RNF5: variants seen among roughly 807,000 people sequenced by gnomAD.
The protein encoded by RNF5 is E3 ubiquitin-protein ligase RNF5.
In RNF5, 16 loss-of-function variants were observed where a neutral mutation model predicts 24.4. The observed-to-expected ratio is 0.66, with a 90% CI of 0.44 to 1.00. The LOEUF is 1.00. Ranked by LOEUF, RNF5 falls within the 50% of genes least tolerant of loss-of-function variation. RNF5 has a pLI of 0.00. For synonymous variants in RNF5, 64 were observed against 88.5 expected (o/e 0.72, Z 1.55); for missense variants, 185 against 236.7 (o/e 0.78, Z 1.43).
In RNF5 at chr6:32,180,294, ATCT is replaced by A. The variant is rs752683365; in HGVS notation, c.519_521del (p.Phe175del). The A allele has an allele frequency of 2.4e-5, 39 of 1,610,798 alleles. 1 individual carries two copies. The highest frequency in any genetic ancestry group is 1.8e-4 in the East Asian group (8 of 44,904). ...GGATTCCCTCTTCCTGTTTCTCGCC[ATCT>A]TCTTCTTTTTTTGGCTGCTCAGTAT... On this transcript the variant is annotated inframe_deletion, in exon 6 of 6. Coordinates refer to ENST00000375094, the MANE Select transcript of RNF5 (RefSeq NM_006913.4).
In RNF5 at chr6:32,180,316, T is replaced by G; in HGVS notation, c.533T>G (p.Leu178Arg). The G allele has an allele frequency of 6.2e-7, 1 of 1,606,630 alleles. No homozygotes were observed. The highest frequency in any genetic ancestry group is 2.2e-5 in the East Asian group (1 of 44,892). Reference sequence around the variant, plus strand: ...GCCATCTTCTTCTTTTTTTGGCTGCTCAGTATTTGAGCTATGTCTGCTTCC... The same window carrying G: ...GCCATCTTCTTCTTTTTTTGGCTGCGCAGTATTTGAGCTATGTCTGCTTCC... The part of the protein sequence containing the change: ...FLAIFFFFWL[L>R]SI The change falls in exon 6 of 6, where the codon CTC becomes CGC. Residue 178 changes from leucine (L) to arginine (R), a missense_variant. Coordinates refer to ENST00000375094, the MANE Select transcript of RNF5 (RefSeq NM_006913.4).
Position 32,180,572 on chromosome 6 carries a change from G to T in RNF5, c.*246G>T. The T allele has an allele frequency of 1.9e-6, 1 of 539,380 alleles. No homozygotes were observed. The highest frequency in any genetic ancestry group is 3.0e-5 in the East Asian group (1 of 33,354). The allele number at this position is 539,380 out of a possible 1,614,324, so 33.4% of individuals were successfully genotyped here. ...CTGCCCTGGGGAAGGAGGATGGATT[G>T]AGAGAATGTCTTTCTCCTCTCCTAA... On this transcript the variant is annotated 3_prime_UTR_variant, in exon 6 of 6. Transcript: ENST00000375094.
At position 32,178,655 on chromosome 6, in the gene RNF5, A is replaced by G. The variant is rs1785808693; in HGVS notation, c.140+4A>G. ...GTGTGTGTGGCCACCTGTACTGGTG[A>G]GAATCGAGGAGGGGGGCGGGAGGTG... On this transcript the variant is annotated splice_donor_region_variant and intron_variant, in intron 1 of 5. Transcript: ENST00000375094. The G allele has an allele frequency of 6.2e-7, 1 of 1,608,202 alleles. No individual in the cohort carries two copies. Among genetic ancestry groups the G allele is most frequent in the Non-Finnish European group, 8.5e-7 (1 of 1,178,826 alleles).
chr6:32,178,687 C>T, intron 1 of RNF5, 36 bp downstream of exon 1: 3 of 1,600,496 alleles, frequency 1.9e-6, no homozygotes, highest in Non-Finnish European at 1.7e-6. Context: ...GGTGGTGGGT[C>T]TCGCTTATAT....
Position 32,179,809 on chromosome 6 carries a change from C to T in RNF5, c.272+46C>T. 6.2e-7 allele frequency: 1 copy of T among 1,613,126 alleles called. No individual in the cohort carries two copies. The highest frequency in any genetic ancestry group is 8.5e-7 in the Non-Finnish European group (1 of 1,179,176). On this transcript the variant is annotated intron_variant, in intron 3 of 5. Transcript: ENST00000375094. The surrounding 1 kb of genome is among the most constrained non-coding windows in gnomAD (Gnocchi z 5.4). ...CTTAGGGAAGATTGAAGGCTTCTGC[C>T]CTTGGAAAACGGTGTGGAAGATGGG...
In RNF5 at chr6:32,179,756, G is replaced by T; in HGVS notation, c.265G>T (p.Asp89Tyr). The T allele has an allele frequency of 6.2e-7, 1 of 1,614,036 alleles. No homozygotes were observed. Among genetic ancestry groups the T allele is most frequent in the Non-Finnish European group, 8.5e-7 (1 of 1,179,882 alleles). The change falls in exon 3 of 6, where the codon GAT becomes TAT. Residue 89 changes from aspartate to tyrosine, a missense_variant. Transcript: ENST00000375094. This position sits in a 1 kb window ranked among gnomAD's most constrained non-coding sequence, Gnocchi z 5.4. The stretch of plus-strand genomic sequence containing the variant: ...TGGGCGAGGGAGCCAGAAGCCCCAG[G>T]ATCCCAGGTGAGAGACTGGAGGTGT... ...LYGRGSQKPQ[D>Y]PRLKTPPRPQ...
In RNF5 at chr6:32,180,358, G is replaced by A. The variant is rs1785994759; in HGVS notation, c.*32G>A. ...TCTGCTTCCTGCCCACCTCCAGCCA[G>A]AGAAGAATCAGTATTGAGGGTCCCT... On this transcript the variant is annotated 3_prime_UTR_variant, in exon 6 of 6. Transcript: ENST00000375094. 1.3e-6 allele frequency: 2 copies of A among 1,582,392 alleles called. No individual in the cohort carries two copies. Among genetic ancestry groups the A allele is most frequent in the Non-Finnish European group, 1.7e-6 (2 of 1,164,788 alleles).
At position 32,178,587 on chromosome 6, in the gene RNF5, G is replaced by T. The variant is rs1336062216; in HGVS notation, c.76G>T (p.Glu26Ter). 13 of 1,611,216 alleles carry T rather than the reference G, an allele frequency of 8.1e-6. No individual in the cohort carries two copies. Among genetic ancestry groups the T allele is most frequent in the Non-Finnish European group, 1.1e-5 (13 of 1,179,638 alleles). The change falls in exon 1 of 6, where the codon GAA becomes TAA. Residue 26 changes from glutamate (E) to a stop codon, truncating the protein, a stop_gained. Transcript: ENST00000375094. LOFTEE classifies it high-confidence loss of function. ...GCGGGGCGGGGCGGGCGCGACCTTC[G>T]AATGTAATATATGTTTGGAGACTGC... ...RERGGAGATFECNICLETARE... is the reference protein window; with the variant it reads ...RERGGAGATF
rs41268928 is a variant in RNF5 at position 32,179,380 on chromosome 6, G to C, written c.141-161G>C. Among the ~76,000 whole-genome samples the C allele has an allele frequency of 0.036, 5,503 of 152,196 alleles. 207 individuals carry two copies. The highest frequency in any genetic ancestry group is 0.21 in the East Asian group (1,063 of 5,168). On this transcript the variant is annotated intron_variant, in intron 1 of 5. Transcript: ENST00000375094. The surrounding 1 kb of genome is among the most constrained non-coding windows in gnomAD (Gnocchi z 5.4). The stretch of plus-strand genomic sequence containing the variant: ...GTTGGAAGATCAGACAAGCAGGAAG[G>C]CTAACTAAGTTGGCTGGCATGGTAG...
rs1785901123 is a variant in RNF5, at chr6:32,179,567, C to T, written c.159+8C>T. 2 of 1,613,006 alleles carry T rather than the reference C, an allele frequency of 1.2e-6. No individual in the cohort carries two copies. Among genetic ancestry groups the T allele is most frequent in the East Asian group, 2.2e-5 (1 of 44,870 alleles). ...TGGCCATGTCTTCATCAGGTGCGTA[C>T]TCAGGAGATGAAGAGGGAAATGGGG... is the stretch of plus-strand genomic sequence containing the variant. On this transcript the variant is annotated splice_region_variant and intron_variant, in intron 2 of 5. Coordinates refer to ENST00000375094, the MANE Select transcript of RNF5 (RefSeq NM_006913.4). This position sits in a 1 kb window ranked among gnomAD's most constrained non-coding sequence, Gnocchi z 5.4.
In RNF5 at chr6:32,179,835, A is replaced by T; in HGVS notation, c.273-42A>T. The T allele has an allele frequency of 6.2e-7, 1 of 1,613,750 alleles. No individual in the cohort carries two copies. Among genetic ancestry groups the T allele is most frequent in the Middle Eastern group, 1.7e-4 (1 of 6,058 alleles). On this transcript the variant is annotated intron_variant, in intron 3 of 5. Transcript: ENST00000375094. The surrounding 1 kb of genome is among the most constrained non-coding windows in gnomAD (Gnocchi z 5.4). ...CTTGGAAAACGGTGTGGAAGATGGG[A>T]GGAGAAAAATCCCTGTTAACTTTCT...
Position 32,180,499 on chromosome 6 carries a change from G to C in RNF5, c.*173G>C, listed in dbSNP as rs1786006202. 1.6e-6 allele frequency: 1 copy of C among 615,410 alleles called. No individual in the cohort carries two copies. Among genetic ancestry groups the C allele is most frequent in the Non-Finnish European group, 2.9e-6 (1 of 346,208 alleles). 38.1% of individuals were successfully genotyped at this position (615,410 alleles called of 1,614,324 possible). ...GGAGGAGTGAAGTCTGTGCATAGAT[G>C]GGAGAGCCTTCTGCTCAGAGGCTCA... On this transcript the variant is annotated 3_prime_UTR_variant, in exon 6 of 6. Transcript: ENST00000375094.
rs1015402089 is a variant in RNF5, at chr6:32,179,287, G to A, written c.141-254G>A. On this transcript the variant is annotated intron_variant, in intron 1 of 5. Coordinates refer to ENST00000375094, the MANE Select transcript of RNF5 (RefSeq NM_006913.4). This position sits in a 1 kb window ranked among gnomAD's most constrained non-coding sequence, Gnocchi z 5.4. ...CAGAAAAGAGAGGGCACGAAAATTTGTATGTGTTTGTTGGGGAGAGGAGAA... is the reference window on the plus strand; with the variant it reads ...CAGAAAAGAGAGGGCACGAAAATTTATATGTGTTTGTTGGGGAGAGGAGAA... Among the ~76,000 whole-genome samples, 1 of 152,120 alleles carries A rather than the reference G, an allele frequency of 6.6e-6. No homozygotes were observed. Among genetic ancestry groups the A allele is most frequent in the Non-Finnish European group, 1.5e-5 (1 of 68,024 alleles).
chr6:32,178,491 T>G lies in RNF5; in HGVS notation c.-21T>G, dbSNP rs1157786922. ...GTATTTGGGGGGACTGAAGGGTACG[T>G]GGGGCGAAACAAAACCGGCCATGGC... On this transcript the variant is annotated 5_prime_UTR_variant, in exon 1 of 6. Coordinates refer to ENST00000375094, the MANE Select transcript of RNF5 (RefSeq NM_006913.4). The G allele has an allele frequency of 6.3e-7, 1 of 1,576,612 alleles. No individual in the cohort carries two copies. The highest frequency in any genetic ancestry group is 8.6e-7 in the Non-Finnish European group (1 of 1,161,994).
In RNF5 at chr6:32,180,305, T is replaced by C. The variant is rs1344009229; in HGVS notation, c.522T>C (p.Phe174=). Residue 174 remains phenylalanine (F), a synonymous_variant, in exon 6 of 6, where the codon TTT becomes TTC. Coordinates refer to ENST00000375094, the MANE Select transcript of RNF5 (RefSeq NM_006913.4). ...SLFLFLAIFF[F]FWLLSI ...TCCTGTTTCTCGCCATCTTCTTCTT[T>C]TTTTGGCTGCTCAGTATTTGAGCTA... 1 of 1,609,124 alleles carries C rather than the reference T, an allele frequency of 6.2e-7. No homozygotes were observed. The highest frequency in any genetic ancestry group is 1.1e-5 in the South Asian group (1 of 91,074).
In RNF5 at chr6:32,179,945, T is replaced by G. The variant is rs1785948216; in HGVS notation, c.327+14T>G. The G allele has an allele frequency of 6.2e-7, 1 of 1,614,084 alleles. No homozygotes were observed. The highest frequency in any genetic ancestry group is 8.5e-7 in the Non-Finnish European group (1 of 1,180,036). On this transcript the variant is annotated intron_variant, in intron 4 of 5. Transcript: ENST00000375094. This position sits in a 1 kb window ranked among gnomAD's most constrained non-coding sequence, Gnocchi z 5.4. ...GAGAGCAGAGGGGTGAGTCTTCTTG[T>G]CCAGTTGTGTCCCTTCCTTGACAGA...
Position 32,180,054 on chromosome 6 carries a change from G to A in RNF5, c.373G>A (p.Gly125Ser). 6.2e-7 allele frequency: 1 copy of A among 1,614,174 alleles called. No individual in the cohort carries two copies. Among genetic ancestry groups the A allele is most frequent in the Non-Finnish European group, 8.5e-7 (1 of 1,180,032 alleles). Residue 125 changes from glycine to serine, a missense_variant, in exon 5 of 6, where the codon GGT (glycine) becomes AGT (serine). Gly to Ser is a moderately conservative substitution (Grantham distance 56). Transcript: ENST00000375094. ...TACCGGGGGCTTCCACTTCTCATTT[G>A]GTGTTGGTGCTTTTCCCTTTGGCTT... ...GDTGGFHFSF[G>S]VGAFPFGFFT...
rs755588650 is a variant in RNF5 at position 32,179,493 on chromosome 6, C to T, written c.141-48C>T. 1.9e-6 allele frequency: 3 copies of T among 1,611,046 alleles called. No homozygotes were observed. On this transcript the variant is annotated intron_variant, in intron 1 of 5. Transcript: ENST00000375094. This position sits in a 1 kb window ranked among gnomAD's most constrained non-coding sequence, Gnocchi z 5.4. ...TGCGAAGTCTAGGGTCTGTGTCTCTCTTTTCTGTAGCTAGTTTGACCTTTT... is the reference window on the plus strand; with the variant it reads ...TGCGAAGTCTAGGGTCTGTGTCTCTTTTTTCTGTAGCTAGTTTGACCTTTT...
chr6:32,180,402 C>T lies in RNF5; in HGVS notation c.*76C>T. The T allele has an allele frequency of 7.4e-7, 1 of 1,344,546 alleles. No individual in the cohort carries two copies. The highest frequency in any genetic ancestry group is 1.1e-6 in the Non-Finnish European group (1 of 949,756). The allele number at this position is 1,344,546 out of a possible 1,614,324, so 83.3% of individuals were successfully genotyped here. A position where few individuals can be genotyped will look rare whatever the true frequency, so the allele number is the denominator to read the frequency against. On this transcript the variant is annotated 3_prime_UTR_variant, in exon 6 of 6. Coordinates refer to ENST00000375094, the MANE Select transcript of RNF5 (RefSeq NM_006913.4). ...GGTCCCTGCTGACCCTTCCGTACTC[C>T]TGGACCCCCTTGACCCCTCTATTTC...
Sources: gnomAD v4.1 joint callset for allele counts (sites outside exome capture counted in the v4.1 genomes callset) on GRCh38, gnomAD v4.1.1 for gene constraint, Gnocchi (gnomAD v3.1) non-coding constraint, MANE v1.5 for transcripts, NCBI Gene and HGNC (gene_info 2026-07-23, HGNC 2026-07-21) for gene names.